Variants in ANKRD27 observed in about 807,000 individuals in gnomAD.
The protein encoded by ANKRD27 is ankyrin repeat domain-containing protein 27.
Under a neutral mutation model 129.7 loss-of-function variants are expected in ANKRD27, and 112 were observed. That is an observed-to-expected ratio of 0.86 (90% confidence interval 0.74 to 1.01). The LOEUF is 1.01. Ranked by LOEUF, ANKRD27 falls within the 50% of genes least tolerant of loss-of-function variation. The pLI is 0.00. For missense variants in ANKRD27, 1,258 were observed against 1,300.5 expected, an observed-to-expected ratio of 0.97 and a Z score of 0.50; for synonymous variants, 516 against 511.2, an observed-to-expected ratio of 1.01 and a Z score of -0.13.
In ANKRD27 at chr19:32,626,753, G is replaced by T. The variant is rs1401520865; in HGVS notation, c.1495C>A (p.Pro499Thr). ...CCCTTCTGACAGGCCAGGTGGAGCG[G>T]AGTGGCTCCATGGTAGTCTGTGGCA... ...VNATDYHGAT[P>T]LHLACQKGYQ... Residue 499 changes from proline to threonine, a missense_variant, in exon 16 of 29, where the codon CCG becomes ACG. Transcript: ENST00000306065. The T allele has an allele frequency of 1.2e-6, 2 of 1,612,414 alleles. No individual in the cohort carries two copies. The highest frequency in any genetic ancestry group is 3.3e-5 in the Admixed American group (2 of 59,776).
chr19:32,622,597 T>A lies in ANKRD27; in HGVS notation c.1652A>T (p.Tyr551Phe). 3.7e-6 allele frequency: 6 copies of A among 1,613,828 alleles called. No homozygotes were observed. In the South Asian group the frequency reaches 5.5e-5, roughly 15 times the overall value. ...GTCAAGTCTGCACGACTCCACGTCG[T>A]AGTAAACCAGAGCCTTCACACACTG... ...HEDCVKALVY[Y>F]DVESCRLDIG... The change falls in exon 18 of 29, where the codon TAC becomes TTC. Residue 551 changes from tyrosine to phenylalanine, a missense_variant. Physicochemically the swap from Tyr to Phe is conservative, Grantham distance 22 (BLOSUM62 3). Transcript: ENST00000306065.
rs1395461854 is a variant in ANKRD27 at position 32,617,460 on chromosome 19, T to C, written c.2052+129A>G. On this transcript the variant is annotated intron_variant, in intron 21 of 28. Coordinates refer to ENST00000306065, the MANE Select transcript of ANKRD27 (RefSeq NM_032139.3). Reference sequence around the variant, plus strand: ...TATTCAAGAGGCTGAGGCAAGAGGATTGCTTGAGTCCAGGAGTTCAAGGCT... The same window carrying C: ...TATTCAAGAGGCTGAGGCAAGAGGACTGCTTGAGTCCAGGAGTTCAAGGCT... The C allele has an allele frequency of 1.4e-5, 7 of 491,268 alleles. No individual in the cohort carries two copies. The East Asian group carries it at 1.6e-4, about 12-fold the overall frequency. The allele number at this position is 491,268 out of a possible 1,614,324, so 30.4% of individuals were successfully genotyped here.
intron 1 of ANKRD27, among the ~76,000 whole-genome samples, chr19:32,674,666 A>AC (rs1401975344): frequency 1.4e-5 from 2 of 145,228 alleles, no homozygotes; most frequent in East Asian, 4.1e-4. Flanking sequence ...CGCGGCTCGG[A>AC]CCCCCACCCG....
chr19:32,624,966 A>G (rs1284258077), intron 17 of ANKRD27, among the ~76,000 whole-genome samples: 5 of 151,984 alleles, frequency 3.3e-5, no homozygotes, highest in Admixed American at 2.6e-4. Flanking sequence ...TTAAAAAGTA[A>G]AAAATAAAGG....
chr19:32,641,191 G>A (rs1443873977), intron 10 of ANKRD27, among the ~76,000 whole-genome samples: 6 of 151,138 alleles, frequency 4.0e-5, no homozygotes, highest in Non-Finnish European at 7.4e-5. Flanking sequence ...GTGAGCCACC[G>A]CGCCCAGCCG....
chr19:32,599,936 C>CA (rs368345607), intron 27 of ANKRD27, 36 bp downstream of exon 27: 18 of 1,582,220 alleles, frequency 1.1e-5, no homozygotes, highest in African/African-American at 1.1e-4. Context: ...AAACTAGGGG[C>CA]AAAAGCACAG....
At chr19:32,652,884 C>G (rs116468464) in intron 2 of ANKRD27, among the ~76,000 whole-genome samples, 1,983 of 152,256 alleles carry the variant, frequency 0.013, 44 homozygotes, top group African/African-American at 0.046. Flanking sequence ...GCCAAGATCA[C>G]GCCACTATAC....
At chr19:32,655,377 A>T (rs1239584588) in intron 2 of ANKRD27, 1 of 152,328 alleles carries the variant, frequency 6.6e-6, no homozygotes, top group Non-Finnish European at 1.5e-5. Flanking sequence ...CCCCATGTGG[A>T]CCCCAGCAGT....
At chr19:32,672,051 C>T (rs915609019) in intron 1 of ANKRD27, among the ~76,000 whole-genome samples, 7 of 152,162 alleles carry the variant, frequency 4.6e-5, no homozygotes, top group Non-Finnish European at 1.0e-4. Context: ...CTGGTGACAG[C>T]GTGCAGCCCA....
At chr19:32,598,573 C>G (rs562730748) in intron 28 of ANKRD27, among the ~76,000 whole-genome samples, 195 bp from the exon 29 acceptor site, 1 of 152,320 alleles carries the variant, frequency 6.6e-6, no homozygotes, top group South Asian at 2.1e-4. Flanking sequence ...AAATGTTTCA[C>G]TTGTTTTCAC....
intron 1 of ANKRD27, among the ~76,000 whole-genome samples, chr19:32,667,411 C>T (rs982797071): frequency 6.6e-6 from 1 of 152,160 alleles, no homozygotes; most frequent in Non-Finnish European, 1.5e-5. Flanking sequence ...TGGAGTCTCG[C>T]TGTGTTGCCC....
At chr19:32,599,629 G>A (rs1022070975) in intron 28 of ANKRD27, 75 bp downstream of exon 28, 76 of 1,312,148 alleles carry the variant, frequency 5.8e-5, no homozygotes, top group East Asian at 9.2e-5. Context: ...TCAAGGAGAC[G>A]TGTTTACCAT....
rs1555747137 is a variant in ANKRD27 at position 32,656,103 on chromosome 19, G to GAAAGGAAGGAAAAGA, written c.102+2810_102+2811insTCTTTTCCTTCCTTT. Among the ~76,000 whole-genome samples, 3 of 123,702 alleles carry GAAAGGAAGGAAAAGA rather than the reference G, an allele frequency of 2.4e-5. No homozygotes were observed. In the East Asian group the frequency reaches 7.4e-4, roughly 30 times the overall value. 81.2% of individuals were successfully genotyped at this position (123,702 alleles called of 152,430 possible). A position where few individuals can be genotyped will look rare whatever the true frequency, so the allele number is the denominator to read the frequency against. On this transcript the variant is annotated intron_variant, in intron 2 of 28. Transcript: ENST00000306065. The stretch of plus-strand genomic sequence containing the variant: ...AGAAAGAAAGAAAGAAAGAAAGAAA[G>GAAAGGAAGGAAAAGA]AAAGAAAAGAAAAGAAAAGAAAAGA...
chr19:32,659,007 C>G lies in ANKRD27; in HGVS notation c.9G>C (p.Leu3=), dbSNP rs764289425. 9 of 1,613,664 alleles carry G rather than the reference C, an allele frequency of 5.6e-6. No individual in the cohort carries two copies. The Admixed American group carries it at 1.5e-4, about 27-fold the overall frequency. The part of the protein sequence containing the change: MA[L]YDEDLLKNPF... ...GATTTTTCAGGAGGTCTTCATCATACAGAGCCATATGGACTTCAGATGGGT... is the reference window on the plus strand; with the variant it reads ...GATTTTTCAGGAGGTCTTCATCATAGAGAGCCATATGGACTTCAGATGGGT... Residue 3 remains leucine, a synonymous_variant, in exon 2 of 29, where the codon CTG becomes CTC. Transcript: ENST00000306065.
intron 25 of ANKRD27, 98 bp from the exon 26 acceptor site, chr19:32,602,224 G>A: frequency 1.3e-6 from 1 of 744,450 alleles, no homozygotes. Context: ...GTGTGACTGG[G>A]CAGAAAAAGC....
At chr19:32,651,826 C>T (rs535621873) in intron 2 of ANKRD27, among the ~76,000 whole-genome samples, 6 of 152,336 alleles carry the variant, frequency 3.9e-5, no homozygotes, top group Middle Eastern at 3.4e-3. Flanking sequence ...CTGCTGGACA[C>T]GAGGCAGGTG....
chr19:32,619,412 C>G, intron 19 of ANKRD27, 33 bp from the exon 20 acceptor site: 1 of 1,613,796 alleles, frequency 6.2e-7, no homozygotes, highest in South Asian at 1.1e-5. Flanking sequence ...AGAGAGAGGA[C>G]AGGACACAAG....
Position 32,665,478 on chromosome 19 carries a change from G to C in ANKRD27, c.-30-6433C>G, listed in dbSNP as rs1967735330. ...CTAATTTTTGTTTGTTTGTTTGTTT[G>C]AGACAGAGTCTTGCTCTGTCACCCA... On this transcript the variant is annotated intron_variant, in intron 1 of 28. Coordinates refer to ENST00000306065, the MANE Select transcript of ANKRD27 (RefSeq NM_032139.3). Among the ~76,000 whole-genome samples, 5 of 149,366 alleles carry C rather than the reference G, an allele frequency of 3.3e-5. No individual in the cohort carries two copies. In the South Asian group the frequency reaches 1.1e-3, roughly 32 times the overall value.
At chr19:32,610,272 T>C (rs1418043486) in intron 22 of ANKRD27, among the ~76,000 whole-genome samples, 1 of 151,702 alleles carries the variant, frequency 6.6e-6, no homozygotes, top group Non-Finnish European at 1.5e-5. Context: ...ATGGCGCCAC[T>C]GCACTCCAGC....
Sources: allele counts gnomAD v4.1 joint callset (sites outside exome capture counted in the v4.1 genomes callset), GRCh38; gene constraint gnomAD v4.1.1; transcripts MANE v1.5; gene names NCBI Gene and HGNC (gene_info 2026-07-23, HGNC 2026-07-21).